Variants in PRSS38 observed in about 807,000 individuals in gnomAD.
PRSS38 encodes the protein marapsin 2.
A neutral mutation model predicts 26.8 loss-of-function variants in PRSS38; 22 were observed. That is an observed-to-expected ratio of 0.82 (90% CI 0.59 to 1.17). The LOEUF is 1.17. Ranked by LOEUF, PRSS38 falls within the 50% of genes most tolerant of loss-of-function variation. The pLI, the probability that PRSS38 is intolerant of heterozygous loss-of-function variation, is 0.00. For synonymous variants in PRSS38, 175 were observed against 172.1 expected (o/e 1.02, Z -0.13); for missense variants, 427 against 422.7 (o/e 1.01, Z -0.09).
At chr1:227,838,741 T>C (rs558686323) in intron 3 of PRSS38, among the ~76,000 whole-genome samples, 1 of 152,354 alleles carries the variant, frequency 6.6e-6, no homozygotes, top group South Asian at 2.1e-4. Context: ...TTTTGGCCAT[T>C]ATAATGTGAA....
At chr1:227,818,687 A>AC (rs1558231967) in intron 3 of PRSS38, among the ~76,000 whole-genome samples, 1 of 151,706 alleles carries the variant, frequency 6.6e-6, no homozygotes, top group African/African-American at 2.4e-5. Flanking sequence ...AAAAAAAAAA[A>AC]AAAAAAAAAA....
chr1:227,839,574 AT>A (rs1274871430), intron 3 of PRSS38, among the ~76,000 whole-genome samples: 1 of 151,936 alleles, frequency 6.6e-6, no homozygotes, highest in African/African-American at 2.4e-5. Flanking sequence ...TATGTATTGC[AT>A]TTGAGCAACT....
intron 3 of PRSS38, among the ~76,000 whole-genome samples, chr1:227,825,072 A>C (rs1665052663): frequency 6.6e-6 from 1 of 152,122 alleles, no homozygotes; most frequent in African/African-American, 2.4e-5. Flanking sequence ...TCTTTAGTTT[A>C]ATTAGATCCC....
chr1:227,828,500 A>G (rs1188342988), intron 3 of PRSS38, among the ~76,000 whole-genome samples: 1 of 152,144 alleles, frequency 6.6e-6, no homozygotes, highest in Admixed American at 6.5e-5. Context: ...ACAAGTTAAG[A>G]CTACTGGCTT....
chr1:227,835,192 C>A (rs796116758), intron 3 of PRSS38, among the ~76,000 whole-genome samples: 1 of 152,148 alleles, frequency 6.6e-6, no homozygotes, highest in Non-Finnish European at 1.5e-5. Context: ...CTGGCAAGGG[C>A]GTGGAGAAAG....
intron 3 of PRSS38, among the ~76,000 whole-genome samples, chr1:227,831,013 T>G (rs1191676229): frequency 6.6e-6 from 1 of 152,128 alleles, no homozygotes; most frequent in Non-Finnish European, 1.5e-5. Flanking sequence ...CCATATTACT[T>G]TTCTGTTTTC....
chr1:227,843,165 G>A (rs1665363742), intron 3 of PRSS38, among the ~76,000 whole-genome samples: 1 of 152,156 alleles, frequency 6.6e-6, no homozygotes, highest in Non-Finnish European at 1.5e-5. Flanking sequence ...CATACATAAT[G>A]TAGCACAGGG....
intron 3 of PRSS38, among the ~76,000 whole-genome samples, chr1:227,830,018 A>C (rs1448150636): frequency 6.6e-6 from 1 of 152,166 alleles, no homozygotes; most frequent in Non-Finnish European, 1.5e-5. Context: ...TATGAATAGG[A>C]GTAAGAAATG....
chr1:227,815,956 C>A, intron 1 of PRSS38, 92 bp downstream of exon 1: 1 of 1,504,602 alleles, frequency 6.6e-7, no homozygotes, highest in Non-Finnish European at 9.0e-7. Flanking sequence ...GTCGCCTGCC[C>A]ATCCCTTCCC....
chr1:227,838,207 T>C (rs1159445348), intron 3 of PRSS38, among the ~76,000 whole-genome samples: 1 of 152,252 alleles, frequency 6.6e-6, no homozygotes, highest in Non-Finnish European at 1.5e-5. Context: ...TTTACAAAGA[T>C]AATTTTCAAC....
At chr1:227,840,306 G>C (rs929821200) in intron 3 of PRSS38, among the ~76,000 whole-genome samples, 6 of 152,030 alleles carry the variant, frequency 3.9e-5, no homozygotes, top group Admixed American at 1.3e-4. Flanking sequence ...ATTTTTTGTA[G>C]AGATGGGGGT....
intron 3 of PRSS38, among the ~76,000 whole-genome samples, chr1:227,840,670 C>T (rs1401174060): frequency 1.3e-5 from 2 of 152,156 alleles, no homozygotes; most frequent in Non-Finnish European, 2.9e-5. Flanking sequence ...TTTGCTCACC[C>T]CTTCTTCACT....
exon 5 of PRSS38, chr1:227,846,422 G>GCAGAA: frequency 1.6e-6 from 1 of 608,454 alleles, no homozygotes; most frequent in Non-Finnish European, 2.9e-6. Flanking sequence ...CCCAGCTTGG[G>GCAGAA]CAGAGTGCAC....
At chr1:227,838,324 T>C (rs1665267583) in intron 3 of PRSS38, among the ~76,000 whole-genome samples, 1 of 152,220 alleles carries the variant, frequency 6.6e-6, no homozygotes, top group South Asian at 2.1e-4. Flanking sequence ...TTGAGCCAGC[T>C]GGTGGTGGCG....
chr1:227,845,828 G>A (rs1215249463), intron 4 of PRSS38, 126 bp from the exon 5 acceptor site: 1 of 1,374,860 alleles, frequency 7.3e-7, no homozygotes, highest in Non-Finnish European at 9.9e-7. Flanking sequence ...GAGGCTGGGT[G>A]AGAGGGGGGC....
At chr1:227,843,427 G>C (rs1333075315) in intron 3 of PRSS38, among the ~76,000 whole-genome samples, 5 of 152,202 alleles carry the variant, frequency 3.3e-5, no homozygotes, top group Admixed American at 2.6e-4. Context: ...AACCAGCCGG[G>C]CGTGGTGGCT....
intron 3 of PRSS38, among the ~76,000 whole-genome samples, chr1:227,843,044 G>C (rs922541308): frequency 2.6e-5 from 4 of 152,192 alleles, no homozygotes; most frequent in Admixed American, 6.5e-5. Context: ...TCTCTAATGA[G>C]GACCGGCCTT....
At chr1:227,842,901 T>A (rs962263335) in intron 3 of PRSS38, among the ~76,000 whole-genome samples, 1 of 152,136 alleles carries the variant, frequency 6.6e-6, no homozygotes, top group East Asian at 1.9e-4. Flanking sequence ...TTACCATGCA[T>A]CTTTGACAGA....
intron 3 of PRSS38, 112 bp from the exon 4 acceptor site, chr1:227,845,358 A>C: frequency 1.4e-6 from 1 of 705,778 alleles, no homozygotes; most frequent in Non-Finnish European, 2.4e-6. Flanking sequence ...CTTCCTACGT[A>C]TAGTGGGGCT....
Sources: allele counts gnomAD v4.1 joint callset (sites outside exome capture counted in the v4.1 genomes callset), GRCh38; gene constraint gnomAD v4.1.1; transcripts MANE v1.5; gene names NCBI Gene and HGNC (gene_info 2026-07-23, HGNC 2026-07-21).